Variants in SCAP observed in about 807,000 individuals in gnomAD.
SCAP encodes the protein SREBF chaperone, also known as sterol regulatory element-binding protein cleavage-activating protein.
A neutral mutation model predicts 123.6 loss-of-function variants in SCAP; 65 were observed. The observed-to-expected ratio is 0.53, with a 90% CI of 0.43 to 0.65. SCAP has a LOEUF of 0.65. SCAP is among the 30% of genes least tolerant of loss of function. The pLI is 0.00. For synonymous variants in SCAP, 740 were observed against 726.3 expected (o/e 1.02, Z -0.30); for missense variants, 1,398 against 1,712.5 (o/e 0.82, Z 3.24).
At chr3:47,428,184 C>T (rs573382341) in intron 4 of SCAP, among the ~76,000 whole-genome samples, 8 of 152,092 alleles carry the variant, frequency 5.3e-5, no homozygotes, top group Non-Finnish European at 1.2e-4. Flanking sequence ...TGCTTCTCGT[C>T]GGCAGAGACA....
At chr3:47,416,598 A>G (rs1488084248) in intron 18 of SCAP, among the ~76,000 whole-genome samples, 1 of 144,812 alleles carries the variant, frequency 6.9e-6, no homozygotes, top group Non-Finnish European at 1.5e-5. Flanking sequence ...TATTCCAAGC[A>G]CGTCACACCC....
chr3:47,454,596 G>A (rs1440042895), intron 1 of SCAP, among the ~76,000 whole-genome samples: 9 of 151,946 alleles, frequency 5.9e-5, no homozygotes, highest in African/African-American at 1.9e-4. Flanking sequence ...AGGCATGGTG[G>A]CGGGCACCTG....
At chr3:47,438,773 C>T (rs1706685507) in intron 2 of SCAP, among the ~76,000 whole-genome samples, 1 of 151,260 alleles carries the variant, frequency 6.6e-6, no homozygotes. Context: ...AAGATCATGC[C>T]ATGCCAGTGC....
intron 16 of SCAP, 113 bp downstream of exon 16, chr3:47,418,021 T>C (rs1576249620): frequency 1.9e-6 from 1 of 532,938 alleles, no homozygotes; most frequent in East Asian, 4.5e-5. Context: ...AGAGGGGGCC[T>C]GGAGGGGTTG....
chr3:47,432,019 C>G (rs1333856879), intron 3 of SCAP, among the ~76,000 whole-genome samples: 1 of 151,846 alleles, frequency 6.6e-6, no homozygotes, highest in Non-Finnish European at 1.5e-5. Context: ...TATTTTGTTG[C>G]AAAAATTGCT....
At chr3:47,436,360 G>A (rs984915350) in intron 2 of SCAP, among the ~76,000 whole-genome samples, 3 of 152,104 alleles carry the variant, frequency 2.0e-5, no homozygotes, top group Admixed American at 1.3e-4. Flanking sequence ...AGCTGGGTGC[G>A]GTGGCTCAAG....
chr3:47,443,962 C>T (rs1706925532), intron 1 of SCAP, among the ~76,000 whole-genome samples: 1 of 152,210 alleles, frequency 6.6e-6, no homozygotes, highest in Non-Finnish European at 1.5e-5. Flanking sequence ...ACAGAGGTTC[C>T]TGCTCCCAAG....
At chr3:47,415,223 C>T (rs530504164) in intron 18 of SCAP, 43 bp from the exon 19 acceptor site, 46 of 1,563,146 alleles carry the variant, frequency 2.9e-5, no homozygotes, top group Admixed American at 1.5e-4. Flanking sequence ...CCCTTAGAGC[C>T]CCAGCCCTGG....
At chr3:47,426,913 C>G (rs1706157735) in intron 6 of SCAP, among the ~76,000 whole-genome samples, 1 of 152,168 alleles carries the variant, frequency 6.6e-6, no homozygotes, top group Non-Finnish European at 1.5e-5. Flanking sequence ...AGAGGAGGCA[C>G]CAGGACACTG....
intron 5 of SCAP, 59 bp downstream of exon 5, chr3:47,427,388 A>G: frequency 6.3e-7 from 1 of 1,585,550 alleles, no homozygotes; most frequent in Non-Finnish European, 8.7e-7. Flanking sequence ...GCACACATCA[A>G]AAAGACGGTG....
At position 47,419,082 on chromosome 3, in the gene SCAP, C is replaced by A. The variant is rs1469839729; in HGVS notation, c.1941-239G>T. On this transcript the variant is annotated intron_variant, in intron 13 of 22. Coordinates refer to ENST00000265565, the MANE Select transcript of SCAP (RefSeq NM_012235.4). The surrounding 1 kb of genome is among the most constrained non-coding windows in gnomAD (Gnocchi z 5.0). ...GGTGGCCGTGTGGGGTATCTCCCTC[C>A]CCACTCCTGGCACAGGTGGGTGGGT... is the stretch of plus-strand genomic sequence containing the variant. 2.0e-5 allele frequency among the ~76,000 whole-genome samples: 3 copies of A among 152,164 alleles called. No homozygotes were observed. Among genetic ancestry groups the A allele is most frequent in the Non-Finnish European group, 2.9e-5 (2 of 68,012 alleles).
rs1201913209 is a variant in SCAP, at chr3:47,420,489, A to C, written c.1563+65T>G. On this transcript the variant is annotated intron_variant, in intron 12 of 22. Transcript: ENST00000265565. This position sits in a 1 kb window ranked among gnomAD's most constrained non-coding sequence, Gnocchi z 5.0. ...TTGCCACTCTAAGGCCAAGTGCAGC[A>C]CCACAAGGGGCCTGGAGCACCGGCC... 7.1e-7 allele frequency: 1 copy of C among 1,414,828 alleles called. No individual in the cohort carries two copies. Among genetic ancestry groups the C allele is most frequent in the African/African-American group, 1.4e-5 (1 of 70,434 alleles). The allele number at this position is 1,414,828 out of a possible 1,614,324, so 87.6% of individuals were successfully genotyped here. A position where few individuals can be genotyped will look rare whatever the true frequency, so the allele number is the denominator to read the frequency against.
At chr3:47,421,101 G>T in intron 10 of SCAP, 72 bp from the exon 11 acceptor site, 1 of 1,163,592 alleles carries the variant, frequency 8.6e-7, no homozygotes, top group Non-Finnish European at 1.3e-6. Context: ...AGCAGTACCC[G>T]GACTGCAGCC....
intron 1 of SCAP, among the ~76,000 whole-genome samples, chr3:47,474,569 T>C (rs1553652747): frequency 6.6e-6 from 1 of 152,052 alleles, no homozygotes; most frequent in East Asian, 1.9e-4. Flanking sequence ...CCAAGGCTTG[T>C]ATAATGCTTG....
rs372650663 is a variant in SCAP, at chr3:47,420,770, T to C, written c.1347A>G (p.Leu449=). 3 of 1,610,386 alleles carry C rather than the reference T, an allele frequency of 1.9e-6. No individual in the cohort carries two copies. The highest frequency in any genetic ancestry group is 1.3e-5 in the African/African-American group (1 of 74,786). ...GGGGCAGTCGCTTGTTCAGGTCTGC[T>C]AGCTGTTGGGGGCACAGTGGTCAGG... ...VLSIDIRRME[L]ADLNKRLPPE... Residue 449 remains leucine (L), a splice_region_variant and synonymous_variant, in exon 12 of 23, where the codon CTA becomes CTG. Coordinates refer to ENST00000265565, the MANE Select transcript of SCAP (RefSeq NM_012235.4). The surrounding 1 kb of genome is among the most constrained non-coding windows in gnomAD (Gnocchi z 5.0).
intron 1 of SCAP, among the ~76,000 whole-genome samples, chr3:47,459,109 A>T (rs369868152): frequency 1.2e-4 from 18 of 152,274 alleles, no homozygotes; most frequent in Middle Eastern, 3.4e-3. Context: ...CCAGCCAAGA[A>T]TCTGTTTTAA....
intron 10 of SCAP, among the ~76,000 whole-genome samples, chr3:47,421,921 T>C (rs528799931): frequency 1.3e-5 from 2 of 152,394 alleles, no homozygotes; most frequent in Non-Finnish European, 2.9e-5. Flanking sequence ...TGAGGGCACT[T>C]TGCCAAGAGC....
chr3:47,416,646 A>T (rs1705588832), intron 18 of SCAP, among the ~76,000 whole-genome samples: 10 of 62,506 alleles, frequency 1.6e-4, no homozygotes, highest in East Asian at 5.0e-4. Context: ...TTTTTTTTTG[A>T]GACGGAGTCT....
At chr3:47,418,043 G>A (rs1402000031) in intron 16 of SCAP, 91 bp downstream of exon 16, 15 of 928,946 alleles carry the variant, frequency 1.6e-5, no homozygotes, top group East Asian at 2.8e-5. Flanking sequence ...GGGATACCTC[G>A]GAGGAAGAAA....
Sources: gnomAD v4.1 joint callset for allele counts (sites outside exome capture counted in the v4.1 genomes callset) on GRCh38, gnomAD v4.1.1 for gene constraint, Gnocchi (gnomAD v3.1) non-coding constraint, MANE v1.5 for transcripts, NCBI Gene and HGNC (gene_info 2026-07-23, HGNC 2026-07-21) for gene names.